Variants in MSH3 observed in about 807,000 individuals in gnomAD.
MSH3 encodes DNA mismatch repair protein Msh3.
In MSH3, 106 loss-of-function variants were observed where a neutral mutation model predicts 123.3. That is an observed-to-expected ratio of 0.86 (90% CI 0.73 to 1.01). The LOEUF is 1.01. MSH3 is among the 50% of genes least tolerant of loss of function. The pLI is 0.00. For missense variants in MSH3, 1,459 were observed against 1,347.6 expected (o/e 1.08, Z -1.29); for synonymous variants, 515 against 481.4 (o/e 1.07, Z -0.91).
At chr5:80,753,111 T>C (rs189490970) in intron 12 of MSH3, among the ~76,000 whole-genome samples, 1 of 152,332 alleles carries the variant, frequency 6.6e-6, no homozygotes, top group East Asian at 1.9e-4. Context: ...TTTTATAATG[T>C]ACTGCTATTT....
At chr5:80,838,530 T>C (rs1036541937) in intron 20 of MSH3, among the ~76,000 whole-genome samples, 6 of 152,200 alleles carry the variant, frequency 3.9e-5, no homozygotes, top group Non-Finnish European at 7.3e-5. Context: ...TCAGCTACCA[T>C]GAGAAGTAAT....
chr5:80,778,684 C>T lies in MSH3; in HGVS notation c.2319-36C>T, dbSNP rs199738726. On this transcript the variant is annotated intron_variant, in intron 16 of 23. Coordinates refer to ENST00000265081, the MANE Select transcript of MSH3 (RefSeq NM_002439.5). ...ATGGCATTTCGGATTTTTTACTAAC[C>T]TTGATTTCCTATTTGTGTTCTTTCC... 8.4e-5 allele frequency: 104 copies of T among 1,238,736 alleles called. 1 individual carries two copies. The highest frequency in any genetic ancestry group is 6.7e-5 in the Admixed American group (4 of 59,494). 76.7% of individuals were successfully genotyped at this position (1,238,736 alleles called of 1,614,324 possible). A position where few individuals can be genotyped will look rare whatever the true frequency, so the allele number is the denominator to read the frequency against.
At chr5:80,697,851 A>G (rs1750518368) in intron 8 of MSH3, among the ~76,000 whole-genome samples, 1 of 152,186 alleles carries the variant, frequency 6.6e-6, no homozygotes, top group Admixed American at 6.5e-5. Flanking sequence ...TGTCAAGTTT[A>G]TTTTATTAAA....
intron 20 of MSH3, among the ~76,000 whole-genome samples, chr5:80,844,867 G>A (rs1745693295): frequency 6.6e-6 from 1 of 152,134 alleles, no homozygotes; most frequent in South Asian, 2.1e-4. Flanking sequence ...TTGCCAGTCT[G>A]TGTCTTTTAA....
At chr5:80,730,892 A>ATT (rs199809813) in intron 10 of MSH3, among the ~76,000 whole-genome samples, 6 of 105,462 alleles carry the variant, frequency 5.7e-5, no homozygotes, top group South Asian at 3.0e-4. Flanking sequence ...ATATATATAT[A>ATT]TATTTTTTTT....
chr5:80,761,526 C>G lies in MSH3; in HGVS notation c.1764-20C>G. 6.2e-7 allele frequency: 1 copy of G among 1,613,630 alleles called. No homozygotes were observed. The highest frequency in any genetic ancestry group is 8.5e-7 in the Non-Finnish European group (1 of 1,179,658). On this transcript the variant is annotated intron_variant, in intron 12 of 23. Transcript: ENST00000265081. The stretch of plus-strand genomic sequence containing the variant: ...GAATTCCTAACATATCTGATTATTG[C>G]TATTACTCTTTTCTCACAGGGAAAT...
At chr5:80,698,816 G>A (rs753100819) in intron 8 of MSH3, among the ~76,000 whole-genome samples, 10 of 147,302 alleles carry the variant, frequency 6.8e-5, no homozygotes, top group Non-Finnish European at 1.3e-4. Flanking sequence ...GGGTGGTGGG[G>A]GGGACGGATA....
chr5:80,815,255 T>C (rs1745080120), intron 20 of MSH3, among the ~76,000 whole-genome samples: 3 of 152,102 alleles, frequency 2.0e-5, no homozygotes, highest in Admixed American at 2.0e-4. Flanking sequence ...AATAAGAAAT[T>C]TAAAGAGTCT....
At position 80,793,417 on chromosome 5, in the gene MSH3, A is replaced by G. The variant is rs549018283; in HGVS notation, c.2655+573A>G. Among the ~76,000 whole-genome samples, 149 of 152,344 alleles carry G rather than the reference A, an allele frequency of 9.8e-4. 1 individual carries two copies. Among genetic ancestry groups the G allele is most frequent in the Non-Finnish European group, 1.5e-3 (100 of 68,030 alleles). On this transcript the variant is annotated intron_variant, in intron 19 of 23. Coordinates refer to ENST00000265081, the MANE Select transcript of MSH3 (RefSeq NM_002439.5). Reference sequence around the variant, plus strand: ...TCCCTGCCCTCACAGAGCTTGTTGTATAGCAGAGAAGATAGGCTAGTGCAA... The same window carrying G: ...TCCCTGCCCTCACAGAGCTTGTTGTGTAGCAGAGAAGATAGGCTAGTGCAA...
At chr5:80,763,769 C>G (rs1443829751) in intron 13 of MSH3, among the ~76,000 whole-genome samples, 2 of 152,174 alleles carry the variant, frequency 1.3e-5, no homozygotes, top group African/African-American at 4.8e-5. Context: ...TTTTTGTAAA[C>G]TTTACTTTGA....
At chr5:80,795,120 G>A (rs147141607) in intron 19 of MSH3, among the ~76,000 whole-genome samples, 16 of 152,300 alleles carry the variant, frequency 1.1e-4, no homozygotes, top group African/African-American at 3.8e-4. Context: ...TAGCGAGCTG[G>A]GACTGTAACA....
chr5:80,863,095 T>A (rs951369186), intron 21 of MSH3, among the ~76,000 whole-genome samples: 4 of 152,212 alleles, frequency 2.6e-5, no homozygotes, highest in Non-Finnish European at 5.9e-5. Flanking sequence ...TAATCAAATT[T>A]GGCATCCCCA....
chr5:80,846,746 C>A (rs1349415780), intron 20 of MSH3, among the ~76,000 whole-genome samples: 1 of 152,262 alleles, frequency 6.6e-6, no homozygotes, highest in African/African-American at 2.4e-5. Context: ...ATCTCCTGGT[C>A]TGCCGGTTGC....
At chr5:80,786,465 A>G (rs1744510850) in intron 17 of MSH3, among the ~76,000 whole-genome samples, 1 of 152,056 alleles carries the variant, frequency 6.6e-6, no homozygotes, top group Non-Finnish European at 1.5e-5. Context: ...TTTTGGACCT[A>G]TTTACAGTTA....
chr5:80,744,074 C>T (rs1214047788), intron 11 of MSH3, among the ~76,000 whole-genome samples: 2 of 151,946 alleles, frequency 1.3e-5, no homozygotes, highest in Admixed American at 6.6e-5. Context: ...GGGTAAATAC[C>T]TAGAGTGCAG....
chr5:80,853,649 G>A (rs1278304122), intron 20 of MSH3, among the ~76,000 whole-genome samples: 1 of 152,026 alleles, frequency 6.6e-6, no homozygotes, highest in Non-Finnish European at 1.5e-5. Flanking sequence ...TATAATTCTA[G>A]TTCCAGTAAA....
At chr5:80,799,276 AC>A (rs1042297715) in intron 19 of MSH3, among the ~76,000 whole-genome samples, 5 of 152,028 alleles carry the variant, frequency 3.3e-5, no homozygotes, top group Admixed American at 6.6e-5. Context: ...TTTCTAGTTC[AC>A]CTTGGGTTAA....
rs550138335 is a variant in MSH3 at position 80,723,937 on chromosome 5, A to AT, written c.1341-1510dup. Among the ~76,000 whole-genome samples, 124 of 151,810 alleles carry AT rather than the reference A, an allele frequency of 8.2e-4. 1 individual carries two copies. In the South Asian group the frequency reaches 9.8e-3, roughly 12 times the overall value. On this transcript the variant is annotated intron_variant, in intron 8 of 23. Coordinates refer to ENST00000265081, the MANE Select transcript of MSH3 (RefSeq NM_002439.5). ...GCTACCGTGCCTGGCTAATTTTTGT[A>AT]TTTTTTGTAGAGAGAGCCATGTTGC...
intron 8 of MSH3, among the ~76,000 whole-genome samples, chr5:80,682,275 C>T (rs927867799): frequency 6.6e-6 from 1 of 152,120 alleles, no homozygotes; most frequent in Non-Finnish European, 1.5e-5. Context: ...CTGTATTGTC[C>T]TTCAGTGTCC....
Sources: gnomAD v4.1 joint callset for allele counts (sites outside exome capture counted in the v4.1 genomes callset) on GRCh38, gnomAD v4.1.1 for gene constraint, MANE v1.5 for transcripts, NCBI Gene and HGNC (gene_info 2026-07-23, HGNC 2026-07-21) for gene names.